Variants in RBFOX1 observed in about 807,000 individuals in gnomAD.
RBFOX1 encodes the protein RNA binding protein fox-1 homolog 1.
RBFOX1 carries 8 observed loss-of-function variants against 57.7 expected under a neutral mutation model. That is an observed-to-expected ratio of 0.14 (90% CI 0.08 to 0.25). The LOEUF is 0.25. Ranked by LOEUF, RBFOX1 falls within the 10% of genes least tolerant of loss-of-function variation. The pLI, the probability that RBFOX1 is intolerant of heterozygous loss-of-function variation, is 1.00. For missense variants in RBFOX1, 611 were observed against 548.5 expected, an observed-to-expected ratio of 1.11 and a Z score of -1.14; for synonymous variants, 326 against 222.4, an observed-to-expected ratio of 1.47 and a Z score of -4.15.
chr16:7,630,053 T>A (rs2060689459), intron 10 of RBFOX1, among the ~76,000 whole-genome samples: 1 of 152,150 alleles, frequency 6.6e-6, no homozygotes, highest in Non-Finnish European at 1.5e-5. Flanking sequence ...GTTACCGTTT[T>A]CTCTAAACCT....
In RBFOX1 at chr16:7,128,320, A is replaced by G. The variant is rs867390678; in HGVS notation, c.27+76222A>G. 3.9e-5 allele frequency among the ~76,000 whole-genome samples: 6 copies of G among 152,232 alleles called. No individual in the cohort carries two copies. The South Asian group carries it at 8.3e-4, about 21-fold the overall frequency. On this transcript the variant is annotated intron_variant, in intron 4 of 15. Transcript: ENST00000550418. ...GTACTATACTTAACCCCATTTTAAT[A>G]TGGTAAAACTTAGTTACAGAACAGT...
At chr16:6,275,845 T>A (rs2075747152) in intron 1 of RBFOX1, among the ~76,000 whole-genome samples, 1 of 152,220 alleles carries the variant, frequency 6.6e-6, no homozygotes, top group Admixed American at 6.5e-5. Context: ...AACAATATAA[T>A]AATATTTACC....
chr16:6,422,988 G>C (rs964781838), intron 2 of RBFOX1, among the ~76,000 whole-genome samples: 1 of 152,202 alleles, frequency 6.6e-6, no homozygotes, highest in African/African-American at 2.4e-5. Flanking sequence ...CAAAGGAAAT[G>C]ATTTTCTTTT....
intron 2 of RBFOX1, among the ~76,000 whole-genome samples, chr16:6,358,122 CT>C (rs1386480836): frequency 6.6e-6 from 1 of 152,152 alleles, no homozygotes; most frequent in African/African-American, 2.4e-5. Context: ...TACCCTCCAA[CT>C]GTGTGGCTTT....
At chr16:5,878,879 T>C (rs2151914316) in intron 4 of RBFOX1, among the ~76,000 whole-genome samples, 1 of 152,352 alleles carries the variant, frequency 6.6e-6, no homozygotes, top group African/African-American at 2.4e-5. Flanking sequence ...TAAACTCTTT[T>C]AGTGTCTTCC....
At chr16:6,737,561 C>A (rs532907842) in intron 3 of RBFOX1, among the ~76,000 whole-genome samples, 3 of 152,276 alleles carry the variant, frequency 2.0e-5, no homozygotes, top group South Asian at 2.1e-4. Context: ...AGTTTTAAAT[C>A]TGGACTCTGC....
At chr16:7,063,512 T>C (rs2055132222) in intron 4 of RBFOX1, among the ~76,000 whole-genome samples, 1 of 152,188 alleles carries the variant, frequency 6.6e-6, no homozygotes, top group Admixed American at 6.5e-5. Flanking sequence ...GATCAGATTC[T>C]GGAGATGGAC....
intron 12 of RBFOX1, among the ~76,000 whole-genome samples, chr16:7,655,267 G>A (rs1336166975): frequency 6.6e-6 from 1 of 152,184 alleles, no homozygotes; most frequent in Non-Finnish European, 1.5e-5. Flanking sequence ...CATCAGAGAA[G>A]GGAAAGTTAA....
chr16:6,961,448 A>G (rs940199496), intron 3 of RBFOX1, among the ~76,000 whole-genome samples: 3 of 152,244 alleles, frequency 2.0e-5, no homozygotes, highest in Non-Finnish European at 4.4e-5. Context: ...TTTTGTTATC[A>G]GAAAGGGGTC....
chr16:7,005,851 G>C (rs537654542), intron 3 of RBFOX1, among the ~76,000 whole-genome samples: 1 of 152,102 alleles, frequency 6.6e-6, no homozygotes, highest in Non-Finnish European at 1.5e-5. Context: ...TACAGCTTTC[G>C]CTTCACTAAA....
chr16:7,478,291 G>A (rs2063154614), intron 4 of RBFOX1, among the ~76,000 whole-genome samples: 1 of 152,210 alleles, frequency 6.6e-6, no homozygotes, highest in East Asian at 1.9e-4. Flanking sequence ...AGAGGGCAGA[G>A]AGTCACCTTG....
chr16:7,016,830 G>C (rs993453768), intron 3 of RBFOX1, among the ~76,000 whole-genome samples: 1 of 152,230 alleles, frequency 6.6e-6, no homozygotes, highest in African/African-American at 2.4e-5. Flanking sequence ...ATTGTGATTT[G>C]GTTTCGGCCA....
intron 1 of RBFOX1, among the ~76,000 whole-genome samples, chr16:6,223,653 C>A (rs1257737346): frequency 6.6e-6 from 1 of 152,088 alleles, no homozygotes; most frequent in Non-Finnish European, 1.5e-5. Flanking sequence ...TTGTAGGTCG[C>A]CTGTTCACTC....
At chr16:6,458,362 C>A (rs892670189) in intron 2 of RBFOX1, among the ~76,000 whole-genome samples, 1 of 152,170 alleles carries the variant, frequency 6.6e-6, no homozygotes, top group African/African-American at 2.4e-5. Context: ...ACACTTAATG[C>A]CTCTAAGGCT....
In RBFOX1 at chr16:6,500,061, G is replaced by A. The variant is rs538849205; in HGVS notation, c.-63-154542G>A. Among the ~76,000 whole-genome samples, 34 of 152,060 alleles carry A rather than the reference G, an allele frequency of 2.2e-4. 1 individual carries two copies. Among genetic ancestry groups the A allele is most frequent in the Admixed American group, 7.2e-4 (11 of 15,266 alleles). ...TGTTTTATTTCTTCTTTTGTGAACC[G>A]GGTGTGAATGATGTCATTTCCTTTG... On this transcript the variant is annotated intron_variant, in intron 2 of 15. Transcript: ENST00000550418.
intron 4 of RBFOX1, among the ~76,000 whole-genome samples, chr16:5,973,326 C>T (rs2059998937): frequency 6.6e-6 from 1 of 152,184 alleles, no homozygotes; most frequent in Non-Finnish European, 1.5e-5. Flanking sequence ...ATCTATATCA[C>T]ACATGAACTC....
At chr16:5,425,750 A>G (rs1197558130) in intron 1 of RBFOX1, among the ~76,000 whole-genome samples, 2 of 152,146 alleles carry the variant, frequency 1.3e-5, no homozygotes, top group East Asian at 1.9e-4. Context: ...GCTGGTCCAC[A>G]CTGTCCTCAG....
rs1567982208 is a variant in RBFOX1 at position 6,636,828 on chromosome 16, TTATATATAATATATAA to T, written c.-63-17751_-63-17736del. On this transcript the variant is annotated intron_variant, in intron 2 of 15. Transcript: ENST00000550418. ...TATAATATATAATATATAATATATG[TTATATATAATATATAA>T]TATATATAATATATAATATATATTA... 6.7e-4 allele frequency among the ~76,000 whole-genome samples: 70 copies of T among 103,872 alleles called. 2 individuals carry two copies. The highest frequency in any genetic ancestry group is 2.5e-3 in the African/African-American group (67 of 27,024). The allele number at this position is 103,872 out of a possible 152,430, so 68.1% of individuals were successfully genotyped here.
At chr16:6,584,394 G>C (rs966586196) in intron 2 of RBFOX1, among the ~76,000 whole-genome samples, 2 of 146,372 alleles carry the variant, frequency 1.4e-5, no homozygotes, top group African/African-American at 5.0e-5. Flanking sequence ...TTGAGACATG[G>C]TCTTGCTCTT....
Sources: gnomAD v4.1 joint callset for allele counts (sites outside exome capture counted in the v4.1 genomes callset) on GRCh38, gnomAD v4.1.1 for gene constraint, MANE v1.5 for transcripts, NCBI Gene and HGNC (gene_info 2026-07-23, HGNC 2026-07-21) for gene names.